KCNIP4: variants seen among roughly 807,000 people sequenced by gnomAD.
KCNIP4 encodes the protein Kv channel-interacting protein 4.
KCNIP4 carries 12 observed loss-of-function variants against 34.0 expected under a neutral mutation model. That is an observed-to-expected ratio of 0.35 (90% CI 0.23 to 0.57). The LOEUF (loss-of-function observed/expected upper bound fraction) is 0.57. Among genes scored for constraint, KCNIP4 ranks in the 20% least tolerant of loss-of-function variants. The probability of loss-of-function intolerance (pLI) is 0.83; values close to 1 mark genes in which losing one functional copy is unlikely to be tolerated. For synonymous variants in KCNIP4, 124 were observed against 102.2 expected (o/e 1.21, Z -1.29); for missense variants, 238 against 311.7 (o/e 0.76, Z 1.78).
At chr4:21,434,474 G>A (rs908718630) in intron 1 of KCNIP4, among the ~76,000 whole-genome samples, 7 of 152,078 alleles carry the variant, frequency 4.6e-5, no homozygotes, top group Non-Finnish European at 7.4e-5. Context: ...ACATTTGAGT[G>A]CTGGGACTCT....
At chr4:20,744,009 A>G (rs1751819085) in intron 5 of KCNIP4, among the ~76,000 whole-genome samples, 1 of 152,360 alleles carries the variant, frequency 6.6e-6, no homozygotes, top group East Asian at 1.9e-4. Context: ...GACACATGAA[A>G]AAATGCTCAT....
At chr4:20,856,473 A>G (rs1721586736) in intron 2 of KCNIP4, among the ~76,000 whole-genome samples, 1 of 152,176 alleles carries the variant, frequency 6.6e-6, no homozygotes, top group African/African-American at 2.4e-5. Context: ...TATAGCATGT[A>G]AAACATAACA....
At chr4:20,755,127 G>C (rs1754278525) in intron 4 of KCNIP4, among the ~76,000 whole-genome samples, 1 of 152,118 alleles carries the variant, frequency 6.6e-6, no homozygotes, top group South Asian at 2.1e-4. Context: ...CCTCCCCTCT[G>C]CACTGTAGTA....
chr4:21,217,027 T>C (rs955424870), intron 1 of KCNIP4, among the ~76,000 whole-genome samples: 1 of 152,218 alleles, frequency 6.6e-6, no homozygotes, highest in Non-Finnish European at 1.5e-5. Context: ...ATGACTACTA[T>C]GCATCTGGTA....
chr4:21,466,248 C>G (rs1477192282), intron 1 of KCNIP4, among the ~76,000 whole-genome samples: 1 of 152,122 alleles, frequency 6.6e-6, no homozygotes, highest in South Asian at 2.1e-4. Context: ...ACACCGAACT[C>G]CAAAGTCTAA....
At chr4:21,502,728 T>C (rs1464223291) in intron 1 of KCNIP4, among the ~76,000 whole-genome samples, 1 of 152,130 alleles carries the variant, frequency 6.6e-6, no homozygotes, top group African/African-American at 2.4e-5. Flanking sequence ...GGGAATCTTA[T>C]TAAAAAGACT....
intron 1 of KCNIP4, among the ~76,000 whole-genome samples, chr4:21,698,556 G>T (rs112272019): frequency 0.011 from 1,734 of 152,266 alleles, 41 homozygotes; most frequent in African/African-American, 0.039. Context: ...AAAACTACAG[G>T]CTTGCCTTCT....
intron 1 of KCNIP4, among the ~76,000 whole-genome samples, chr4:21,527,371 T>A (rs574942918): frequency 6.6e-6 from 1 of 152,146 alleles, no homozygotes; most frequent in South Asian, 2.1e-4. Context: ...TCCTACCACA[T>A]TGAGACGTGG....
intron 1 of KCNIP4, among the ~76,000 whole-genome samples, chr4:21,263,996 C>A (rs534246174): frequency 1.3e-5 from 2 of 149,294 alleles, no homozygotes; most frequent in Admixed American, 1.3e-4. Context: ...TGTGTGTATC[C>A]TTATCTGTGG....
intron 1 of KCNIP4, among the ~76,000 whole-genome samples, chr4:21,441,473 T>C (rs1727475738): frequency 6.6e-6 from 1 of 152,108 alleles, no homozygotes; most frequent in Non-Finnish European, 1.5e-5. Context: ...CCTTTCCCCA[T>C]TGTTCACTCA....
At chr4:21,479,015 A>G (rs1176505567) in intron 1 of KCNIP4, among the ~76,000 whole-genome samples, 1 of 152,196 alleles carries the variant, frequency 6.6e-6, no homozygotes, top group Non-Finnish European at 1.5e-5. Flanking sequence ...CATACAGACT[A>G]TAACATGCCA....
intron 3 of KCNIP4, among the ~76,000 whole-genome samples, chr4:20,844,489 C>G (rs1720126554): frequency 6.6e-6 from 1 of 152,144 alleles, no homozygotes; most frequent in Non-Finnish European, 1.5e-5. Context: ...GACAGAGAGA[C>G]AGAAGCCGGC....
chr4:21,281,024 C>G (rs114035169), intron 1 of KCNIP4, among the ~76,000 whole-genome samples: 1 of 151,810 alleles, frequency 6.6e-6, no homozygotes. Flanking sequence ...CTATAAGATA[C>G]GCTTTATCCT....
At chr4:20,976,578 T>A (rs548263118) in intron 1 of KCNIP4, among the ~76,000 whole-genome samples, 2 of 152,282 alleles carry the variant, frequency 1.3e-5, no homozygotes, top group East Asian at 3.9e-4. Flanking sequence ...CTCAAATCTG[T>A]CTGCTTTATA....
chr4:21,227,175 A>T (rs1758466457), intron 1 of KCNIP4, among the ~76,000 whole-genome samples: 1 of 152,210 alleles, frequency 6.6e-6, no homozygotes, highest in African/African-American at 2.4e-5. Context: ...TGTCAACAGC[A>T]CTGAGCATGT....
intron 1 of KCNIP4, among the ~76,000 whole-genome samples, chr4:21,597,132 C>T (rs1742713861): frequency 6.6e-6 from 1 of 151,970 alleles, no homozygotes; most frequent in African/African-American, 2.4e-5. Flanking sequence ...AATTGTAGCT[C>T]CCATAATTCT....
At chr4:20,803,689 GAGAGAGAGAGAGAA>G (rs1487149310) in intron 3 of KCNIP4, among the ~76,000 whole-genome samples, 5 of 103,276 alleles carry the variant, frequency 4.8e-5, no homozygotes, top group Non-Finnish European at 7.5e-5. Flanking sequence ...GAAAGAGAGG[GAGAGAGAGAGAGAA>G]AGAGAGAGAG....
intron 1 of KCNIP4, among the ~76,000 whole-genome samples, chr4:21,155,822 A>T (rs993862993): frequency 1.7e-4 from 26 of 152,176 alleles, no homozygotes; most frequent in African/African-American, 5.3e-4. Context: ...AGGAGGGAAG[A>T]GTTGGCTATA....
chr4:20,735,530 G>T (rs112577015), intron 5 of KCNIP4, among the ~76,000 whole-genome samples: 1,116 of 109,628 alleles, frequency 0.01, 8 homozygotes, highest in African/African-American at 0.026. Context: ...TTTTTTTTTT[G>T]TTTTTTTTTT....
Sources: gnomAD v4.1 joint callset for allele counts (sites outside exome capture counted in the v4.1 genomes callset) on GRCh38, gnomAD v4.1.1 for gene constraint, MANE v1.5 for transcripts, NCBI Gene and HGNC (gene_info 2026-07-23, HGNC 2026-07-21) for gene names.